The following HELB variants were observed in gnomAD, a reference collection of about 807,000 sequenced individuals.
The protein encoded by HELB is DNA helicase B.
In HELB, 96 loss-of-function variants were observed where a neutral mutation model predicts 101.7. The ratio of observed to expected loss-of-function variants is 0.94; its 90% CI spans 0.80 to 1.12. The LOEUF (loss-of-function observed/expected upper bound fraction) is 1.12, where lower values mean the gene tolerates loss of function less well. HELB is among the 50% of genes most tolerant of loss of function. The pLI is 0.00. For synonymous variants in HELB, 437 were observed against 459.7 expected (o/e 0.95, Z 0.63); for missense variants, 1,210 against 1,291.9 (o/e 0.94, Z 0.97).
rs1266742424 is a variant in HELB at position 66,324,014 on chromosome 12, G to A, written c.2329G>A (p.Gly777Ser). 5 of 1,612,332 alleles carry A rather than the reference G, an allele frequency of 3.1e-6. No individual in the cohort carries two copies. The highest frequency in any genetic ancestry group is 8.5e-7 in the Non-Finnish European group (1 of 1,178,732). The change falls in exon 10 of 13, where the codon GGT becomes AGT. Residue 777 changes from glycine to serine, a missense_variant. Gly to Ser is a moderately conservative substitution (Grantham distance 56). Transcript: ENST00000247815. ...DHQSRLVFGIGDKICCTRNAY... is the reference protein window; with the variant it reads ...DHQSRLVFGISDKICCTRNAY... Reference sequence around the variant, plus strand: ...TCAGAGTAGACTTGTTTTTGGAATTGGTGATAAAATTTGTTGTACCAGGAA... The same window carrying A: ...TCAGAGTAGACTTGTTTTTGGAATTAGTGATAAAATTTGTTGTACCAGGAA...
intron 12 of HELB, among the ~76,000 whole-genome samples, chr12:66,332,613 T>A (rs1348245698): frequency 6.6e-6 from 1 of 152,224 alleles, no homozygotes; most frequent in Non-Finnish European, 1.5e-5. Flanking sequence ...TGTCAAGTGA[T>A]CCTTATTTTA....
At chr12:66,342,402 T>A (rs923431441), downstream of HELB, 1 of 148,270 alleles carries the variant, frequency 6.7e-6, no homozygotes, top group East Asian at 2.0e-4. Context: ...CGAGACGGAG[T>A]CTTGCCCTGT....
Position 66,309,691 on chromosome 12 carries a change from CTT to C in HELB, c.778-13_778-12del. On this transcript the variant is annotated splice_polypyrimidine_tract_variant and intron_variant, in intron 3 of 12. Transcript: ENST00000247815. ...TATGATGTTTATAAACCAACCTGAA[CTT>C]TATTTCTTAAAGATAACCTACAGAG... 19 of 1,546,922 alleles carry C rather than the reference CTT, an allele frequency of 1.2e-5. No individual in the cohort carries two copies. Among genetic ancestry groups the C allele is most frequent in the Non-Finnish European group, 1.6e-5 (18 of 1,144,718 alleles).
chr12:66,333,799 T>C (rs967043355), intron 12 of HELB, among the ~76,000 whole-genome samples: 2 of 152,080 alleles, frequency 1.3e-5, no homozygotes, highest in African/African-American at 4.8e-5. Context: ...TGAGTTGGGA[T>C]TTTATTCTGC....
rs774757165 is a variant in HELB at position 66,331,394 on chromosome 12, A to G, written c.2911A>G (p.Ser971Gly). ...PPADFPSPRK[S>G]SGDSGGPSTP... Reference sequence around the variant, plus strand: ...AGCAGATTTTCCGTCCCCACGGAAGAGCTCTGGAGACAGTGGAGGACCCAG... The same window carrying G: ...AGCAGATTTTCCGTCCCCACGGAAGGGCTCTGGAGACAGTGGAGGACCCAG... The change falls in exon 12 of 13, where the codon AGC becomes GGC. Residue 971 changes from serine (S) to glycine (G), a missense_variant. Ser to Gly is a moderately conservative substitution (Grantham distance 56). This residue lies in a region of HELB where 740 missense variants were observed against 728.8 expected (regional missense o/e 1.02). Transcript: ENST00000247815. 16 of 1,614,122 alleles carry G rather than the reference A, an allele frequency of 9.9e-6. No homozygotes were observed. The highest frequency in any genetic ancestry group is 3.3e-5 in the Admixed American group (2 of 60,008).
In HELB at chr12:66,324,819, T is replaced by A. The variant is rs919943970; in HGVS notation, c.2527-164T>A. On this transcript the variant is annotated intron_variant, in intron 10 of 12. Transcript: ENST00000247815. ...GTTTATTAAAATATTTAGGTATAGA[T>A]ATATTGTTTGTGCTGAAATGCAAAT... The A allele has an allele frequency of 2.7e-5, 19 of 706,534 alleles. No homozygotes were observed. In the Admixed American group the frequency reaches 4.4e-4, roughly 16 times the overall value. The allele number at this position is 706,534 out of a possible 1,614,324, so 43.8% of individuals were successfully genotyped here.
chr12:66,315,640 A>C (rs1396423624), intron 6 of HELB, among the ~76,000 whole-genome samples: 4 of 152,222 alleles, frequency 2.6e-5, no homozygotes, highest in African/African-American at 9.6e-5. Flanking sequence ...ATATGAATTA[A>C]AATTGTATTA....
intron 7 of HELB, among the ~76,000 whole-genome samples, chr12:66,319,873 CTTTTTTGGTT>C (rs1249015921): frequency 2.5e-5 from 2 of 80,850 alleles, no homozygotes; most frequent in East Asian, 2.3e-4. Flanking sequence ...CTATAATGTG[CTTTTTTGGTT>C]TTTTTTGTTT....
intron 6 of HELB, among the ~76,000 whole-genome samples, chr12:66,316,138 G>A (rs2053602206): frequency 6.6e-6 from 1 of 152,076 alleles, no homozygotes; most frequent in Non-Finnish European, 1.5e-5. Flanking sequence ...TACAGCACTT[G>A]GTACAGTAGC....
chr12:66,305,284 G>C lies in HELB; in HGVS notation c.607+134G>C, dbSNP rs1000503481. ...GAAAAATGTGTTTATGTTGCTTTTG[G>C]AGTATGCCATTGACATTTCAGGTTT... On this transcript the variant is annotated intron_variant, in intron 2 of 12. Transcript: ENST00000247815. 2.6e-5 allele frequency: 16 copies of C among 622,686 alleles called. No individual in the cohort carries two copies. In the African/African-American group the frequency reaches 3.0e-4, roughly 12 times the overall value. The allele number at this position is 622,686 out of a possible 1,614,324, so 38.6% of individuals were successfully genotyped here. A position where few individuals can be genotyped will look rare whatever the true frequency, so the allele number is the denominator to read the frequency against.
intron 6 of HELB, among the ~76,000 whole-genome samples, chr12:66,316,552 A>C (rs1476034865): frequency 6.9e-6 from 1 of 145,256 alleles, no homozygotes; most frequent in Non-Finnish European, 1.5e-5. Context: ...AACACTAATG[A>C]TAGCTGATAA....
At position 66,310,726 on chromosome 12, in the gene HELB, A is replaced by T. The variant is rs1276946900; in HGVS notation, c.1680+118A>T. On this transcript the variant is annotated intron_variant, in intron 4 of 12. Transcript: ENST00000247815. ...GGCGGGCAGATCACAAGGTCAGGAG[A>T]TGGAGACCATCCTGGCTAACATGGT... 8.1e-6 allele frequency: 7 copies of T among 869,128 alleles called. No individual in the cohort carries two copies. In the African/African-American group the frequency reaches 8.5e-5, roughly 11 times the overall value. The allele number at this position is 869,128 out of a possible 1,614,324, so 53.8% of individuals were successfully genotyped here.
intron 11 of HELB, among the ~76,000 whole-genome samples, chr12:66,326,336 A>G (rs1223594459): frequency 6.6e-6 from 1 of 151,622 alleles, no homozygotes; most frequent in Non-Finnish European, 1.5e-5. Flanking sequence ...TCCGCCTCCC[A>G]GGTTCAAGTG....
Position 66,304,767 on chromosome 12 carries a change from A to G in HELB, c.224A>G (p.Lys75Arg), listed in dbSNP as rs1165035887. The change falls in exon 2 of 13, where the codon AAA becomes AGA. Residue 75 changes from lysine (K) to arginine (R), a missense_variant. Physicochemically the swap from Lys to Arg is conservative, Grantham distance 26 (BLOSUM62 2). This residue lies in a region of HELB where 470 missense variants were observed against 563.1 expected (regional missense o/e 0.83). Coordinates refer to ENST00000247815, the MANE Select transcript of HELB (RefSeq NM_001370285.1). ...GATGAAAACACACAAGAGACATGTA[A>G]AGTGTTTGGACGTTTTCCGATAACA... is the stretch of plus-strand genomic sequence containing the variant. ...ICDENTQETC[K>R]VFGRFPITGA... The G allele has an allele frequency of 6.2e-7, 1 of 1,613,314 alleles. No individual in the cohort carries two copies. The highest frequency in any genetic ancestry group is 1.3e-5 in the African/African-American group (1 of 74,848).
At chr12:66,320,609 TA>T (rs966400363) in intron 7 of HELB, among the ~76,000 whole-genome samples, 1 of 152,014 alleles carries the variant, frequency 6.6e-6, no homozygotes, top group African/African-American at 2.4e-5. Context: ...AATGTACTTT[TA>T]AAAAAAATTG....
At chr12:66,318,882 T>A in intron 7 of HELB, 90 bp downstream of exon 7, 2 of 999,110 alleles carry the variant, frequency 2.0e-6, no homozygotes, top group Non-Finnish European at 2.9e-6. Context: ...CAATTTTCTT[T>A]AATGGTAAAG....
Position 66,338,166 on chromosome 12 carries a change from G to A in HELB, c.*64G>A, listed in dbSNP as rs1055149003. 2.2e-5 allele frequency: 21 copies of A among 955,472 alleles called. No homozygotes were observed. The highest frequency in any genetic ancestry group is 4.1e-5 in the South Asian group (3 of 73,534). 59.2% of individuals were successfully genotyped at this position (955,472 alleles called of 1,614,324 possible). On this transcript the variant is annotated 3_prime_UTR_variant, in exon 13 of 13. Coordinates refer to ENST00000247815, the MANE Select transcript of HELB (RefSeq NM_001370285.1). Reference sequence around the variant, plus strand: ...TTGGAGACAAAATGAACATCGTAACGTCAAAGTACCAAGATAAAAAAAGTT... The same window carrying A: ...TTGGAGACAAAATGAACATCGTAACATCAAAGTACCAAGATAAAAAAAGTT...
intron 8 of HELB, 120 bp from the exon 9 acceptor site, chr12:66,322,604 A>G (rs886344507): frequency 3.6e-6 from 2 of 550,342 alleles, no homozygotes; most frequent in African/African-American, 2.0e-5. Context: ...GAAAAATACT[A>G]TTTCCTGGAG....
At chr12:66,342,377 T>A (rs1218485719), downstream of HELB, 1 of 151,280 alleles carries the variant, frequency 6.6e-6, no homozygotes. Flanking sequence ...CTTTTTTTTT[T>A]TTTTTTTTCT....
Sources: gnomAD v4.1 joint callset for allele counts (sites outside exome capture counted in the v4.1 genomes callset) on GRCh38, gnomAD v4.1.1 for gene constraint, gnomAD v4.1.1 regional missense constraint, MANE v1.5 for transcripts, NCBI Gene and HGNC (gene_info 2026-07-23, HGNC 2026-07-21) for gene names.